The following OR10G3 variants were observed in gnomAD, a reference collection of about 807,000 sequenced individuals.
The protein encoded by OR10G3 is olfactory receptor family 10 subfamily G member 3.
In OR10G3, 8 loss-of-function variants were observed where a neutral mutation model predicts 13.4. The observed-to-expected ratio is 0.60, with a 90% CI of 0.35 to 1.08. OR10G3 has a LOEUF of 1.08. OR10G3 is among the 50% of genes least tolerant of loss of function. The pLI, the probability that OR10G3 is intolerant of heterozygous loss-of-function variation, is 0.02. For missense variants in OR10G3, 393 were observed against 386.6 expected, an observed-to-expected ratio of 1.02 and a Z score of -0.14; for synonymous variants, 142 against 156.1, an observed-to-expected ratio of 0.91 and a Z score of 0.67.
chr14:21,571,355 A>G (rs1893067219), intron 1 of OR10G3, among the ~76,000 whole-genome samples: 1 of 152,242 alleles, frequency 6.6e-6, no homozygotes, highest in Non-Finnish European at 1.5e-5. Context: ...GTACAGATCT[A>G]CTTTCCAAGT....
intron 1 of OR10G3, among the ~76,000 whole-genome samples, chr14:21,576,836 CT>C (rs1254581004): frequency 1.3e-5 from 2 of 152,128 alleles, no homozygotes; most frequent in African/African-American, 4.8e-5. Flanking sequence ...TAACTTTGTC[CT>C]TAGATTTCAG....
intron 1 of OR10G3, among the ~76,000 whole-genome samples, chr14:21,571,676 G>A (rs529646953): frequency 1.0e-3 from 141 of 141,026 alleles, no homozygotes; most frequent in African/African-American, 3.1e-3. Context: ...TCCTTGATTC[G>A]CATTTCTTTT....
At position 21,569,639 on chromosome 14, in the gene OR10G3, TA is replaced by T; in HGVS notation, c.*163del. On this transcript the variant is annotated 3_prime_UTR_variant, in exon 2 of 2. Coordinates refer to ENST00000641040, the MANE Select transcript of OR10G3 (RefSeq NM_001005465.2). ...GCTGAGAGTTATCTTGAGAGGATAC[TA>T]AGGAACTGTTAGAAAGTTAGTATTT... The T allele has an allele frequency of 1.6e-6, 1 of 627,686 alleles. No homozygotes were observed. Among genetic ancestry groups the T allele is most frequent in the Non-Finnish European group, 2.7e-6 (1 of 365,302 alleles). The allele number at this position is 627,686 out of a possible 1,614,324, so 38.9% of individuals were successfully genotyped here. A position where few individuals can be genotyped will look rare whatever the true frequency, so the allele number is the denominator to read the frequency against.
At chr14:21,578,453 G>A (rs1214498846) in intron 1 of OR10G3, among the ~76,000 whole-genome samples, 1 of 151,788 alleles carries the variant, frequency 6.6e-6, no homozygotes, top group Non-Finnish European at 1.5e-5. Flanking sequence ...ATAAAATAAA[G>A]ACCATCTAGT....
At chr14:21,576,228 A>G (rs922480083) in intron 1 of OR10G3, among the ~76,000 whole-genome samples, 1 of 152,234 alleles carries the variant, frequency 6.6e-6, no homozygotes, top group Non-Finnish European at 1.5e-5. Flanking sequence ...TACCTGAGAG[A>G]ATGACTTAAA....
intron 1 of OR10G3, among the ~76,000 whole-genome samples, chr14:21,577,499 A>G (rs1158436252): frequency 6.6e-6 from 1 of 152,242 alleles, no homozygotes; most frequent in Non-Finnish European, 1.5e-5. Context: ...AAAATAATGT[A>G]GTAAATCATG....
chr14:21,573,413 CT>C (rs2139712338), intron 1 of OR10G3, among the ~76,000 whole-genome samples: 1 of 152,182 alleles, frequency 6.6e-6, no homozygotes, highest in East Asian at 1.9e-4. Flanking sequence ...TGGCTCACGC[CT>C]GTAATCCCAG....
At position 21,577,386 on chromosome 14, in the gene OR10G3, G is replaced by A. The variant is rs145947873; in HGVS notation, c.-18+2400C>T. ...GGTTAAATGGCAGAGGAGTCTCACA[G>A]CTGTATAATGCTGGAGTAAAGGCTC... On this transcript the variant is annotated intron_variant, in intron 1 of 1. Transcript: ENST00000641040. 3.5e-3 allele frequency among the ~76,000 whole-genome samples: 534 copies of A among 152,288 alleles called. 2 individuals carry two copies. The highest frequency in any genetic ancestry group is 0.012 in the African/African-American group (504 of 41,562).
At chr14:21,578,134 G>C (rs1337145953) in intron 1 of OR10G3, among the ~76,000 whole-genome samples, 1 of 152,112 alleles carries the variant, frequency 6.6e-6, no homozygotes, top group Non-Finnish European at 1.5e-5. Flanking sequence ...CTAGAGGCCG[G>C]TCGCGGTGGC....
At chr14:21,577,594 G>C (rs1876774014) in intron 1 of OR10G3, among the ~76,000 whole-genome samples, 1 of 152,226 alleles carries the variant, frequency 6.6e-6, no homozygotes, top group Non-Finnish European at 1.5e-5. Context: ...TCAAAATTGA[G>C]ACATAGTGGA....
intron 1 of OR10G3, 27 bp downstream of exon 1, chr14:21,579,759 G>C (rs1804677423): frequency 6.6e-6 from 1 of 152,158 alleles, no homozygotes; most frequent in African/African-American, 2.4e-5. Context: ...AACAGTGGCA[G>C]GTGCTATTTT....
chr14:21,572,618 A>C (rs1458846495), intron 1 of OR10G3, among the ~76,000 whole-genome samples: 1 of 151,192 alleles, frequency 6.6e-6, no homozygotes, highest in African/African-American at 2.4e-5. Context: ...CAAAAAAAAA[A>C]AAAAAAAAAA....
At chr14:21,571,074 G>T (rs1181379435) in intron 1 of OR10G3, among the ~76,000 whole-genome samples, 1 of 152,150 alleles carries the variant, frequency 6.6e-6, no homozygotes, top group South Asian at 2.1e-4. Context: ...AGTTTGCACC[G>T]AGGGTTTTGT....
chr14:21,570,681 T>C lies in OR10G3; in HGVS notation c.64A>G (p.Arg22Gly), dbSNP rs368217077. ...AACACAAAAAAGAGTGTCCTTAGCC[T>C]GAGTGGATACGGAATTCCTGTCAGG... ...FILTGIPYPL[R>G]LRTLFFVFFF... is the part of the protein sequence containing the mutation. Residue 22 changes from arginine to glycine, a missense_variant, in exon 2 of 2, where the codon AGG becomes GGG. Transcript: ENST00000641040. 2.1e-5 allele frequency: 34 copies of C among 1,607,192 alleles called. No individual in the cohort carries two copies. Among genetic ancestry groups the C allele is most frequent in the Non-Finnish European group, 2.7e-5 (32 of 1,179,618 alleles).
At position 21,570,020 on chromosome 14, in the gene OR10G3, C is replaced by G; in HGVS notation, c.725G>C (p.Cys242Ser). ...GGTGACCACGGTTACATGGGCTCCA[C>G]AAGTTGAAAAAGCCCGGCGCCGCCC... The part of the protein sequence containing the change: ...ADGRRRAFST[C>S]GAHVTVVTVY... The change falls in exon 2 of 2, where the codon TGT (cysteine) becomes TCT (serine). Residue 242 changes from cysteine to serine, a missense_variant. Coordinates refer to ENST00000641040, the MANE Select transcript of OR10G3 (RefSeq NM_001005465.2). The G allele has an allele frequency of 6.2e-7, 1 of 1,614,182 alleles. No homozygotes were observed.
At chr14:21,574,345 T>C (rs561788816) in intron 1 of OR10G3, among the ~76,000 whole-genome samples, 2 of 151,704 alleles carry the variant, frequency 1.3e-5, no homozygotes, top group African/African-American at 4.8e-5. Context: ...GATTTTTTTT[T>C]CTCTGGACTG....
At chr14:21,578,983 CT>C (rs1402223322) in intron 1 of OR10G3, among the ~76,000 whole-genome samples, 1 of 152,136 alleles carries the variant, frequency 6.6e-6, no homozygotes, top group Non-Finnish European at 1.5e-5. Context: ...CAGGTTATAG[CT>C]TTACTCATGT....
intron 1 of OR10G3, 22 bp from the exon 2 acceptor site, chr14:21,570,783 A>G (rs984894907): frequency 7.8e-6 from 11 of 1,406,432 alleles, no homozygotes; most frequent in East Asian, 4.6e-5. Flanking sequence ...ACAAAACAAG[A>G]ATTAACATAG....
intron 1 of OR10G3, among the ~76,000 whole-genome samples, chr14:21,579,462 C>T (rs1446441283): frequency 6.6e-6 from 1 of 152,130 alleles, no homozygotes; most frequent in Non-Finnish European, 1.5e-5. Context: ...TTAGGCTGGT[C>T]TTGAACTCCT....
Sources: gnomAD v4.1 joint callset for allele counts (sites outside exome capture counted in the v4.1 genomes callset) on GRCh38, gnomAD v4.1.1 for gene constraint, MANE v1.5 for transcripts, NCBI Gene and HGNC (gene_info 2026-07-23, HGNC 2026-07-21) for gene names.